Variants in PTPRC observed in about 807,000 individuals in gnomAD.
PTPRC encodes protein tyrosine phosphatase receptor type C, also known as receptor-type tyrosine-protein phosphatase C.
PTPRC carries 44 observed loss-of-function variants against 155.9 expected under a neutral mutation model. The observed-to-expected ratio is 0.28, with a 90% CI of 0.22 to 0.36. The LOEUF is 0.36. Among genes scored for constraint, PTPRC ranks in the 10% least tolerant of loss-of-function variants. The pLI, the probability that PTPRC is intolerant of heterozygous loss-of-function variation, is 1.00. For missense variants in PTPRC, 1,401 were observed against 1,564.6 expected (o/e 0.90, Z 1.76); for synonymous variants, 525 against 533.1 (o/e 0.98, Z 0.21).
At chr1:198,663,993 C>CT (rs995656071) in intron 2 of PTPRC, among the ~76,000 whole-genome samples, 86 of 151,688 alleles carry the variant, frequency 5.7e-4, no homozygotes, top group Non-Finnish European at 6.9e-4. Flanking sequence ...CCAAACTATA[C>CT]TTTTTTTTAA....
intron 2 of PTPRC, among the ~76,000 whole-genome samples, chr1:198,639,694 A>T (rs1462059125): frequency 4.6e-5 from 7 of 152,096 alleles, no homozygotes; most frequent in Non-Finnish European, 1.0e-4. Flanking sequence ...TTTTAATGAT[A>T]AAATAAGTGA....
At chr1:198,651,374 C>A (rs1273319626) in intron 2 of PTPRC, among the ~76,000 whole-genome samples, 1 of 150,524 alleles carries the variant, frequency 6.6e-6, no homozygotes, top group Admixed American at 6.7e-5. Context: ...CCTTCCATTT[C>A]TTTGAGAAAT....
chr1:198,690,328 A>T (rs1665859957), intron 2 of PTPRC, among the ~76,000 whole-genome samples: 1 of 152,120 alleles, frequency 6.6e-6, no homozygotes, highest in South Asian at 2.1e-4. Context: ...GTAATTTACA[A>T]GGAAATAAGA....
chr1:198,651,284 G>A (rs1663231144), intron 2 of PTPRC, among the ~76,000 whole-genome samples: 1 of 103,184 alleles, frequency 9.7e-6, no homozygotes, highest in Non-Finnish European at 2.0e-5. Context: ...TACTTGAACA[G>A]ATTGGGATTG....
At position 198,722,446 on chromosome 1, in the gene PTPRC, G is replaced by C; in HGVS notation, c.1690G>C (p.Glu564Gln). 6.8e-7 allele frequency: 1 copy of C among 1,474,176 alleles called. No individual in the cohort carries two copies. The highest frequency in any genetic ancestry group is 9.0e-7 in the Non-Finnish European group (1 of 1,105,756). 91.3% of individuals were successfully genotyped at this position (1,474,176 alleles called of 1,614,324 possible). A position where few individuals can be genotyped will look rare whatever the true frequency, so the allele number is the denominator to read the frequency against. ...TTTTCACAATGGAGACTATCCTGGA[G>C]AACCCTTTATTTTACATCATTCAAC... is the stretch of plus-strand genomic sequence containing the variant. ...AYFHNGDYPG[E>Q]PFILHHSTSY... The change falls in exon 15 of 33, where the codon GAA becomes CAA. Residue 564 changes from glutamate (E) to glutamine (Q), a missense_variant. Physicochemically the swap from Glu to Gln is conservative, Grantham distance 29. This residue lies in a region of PTPRC where 867 missense variants were observed against 970.4 expected (regional missense o/e 0.89). Coordinates refer to ENST00000442510, the MANE Select transcript of PTPRC (RefSeq NM_002838.5).
At chr1:198,643,111 G>A (rs1288687260) in intron 2 of PTPRC, among the ~76,000 whole-genome samples, 1 of 151,534 alleles carries the variant, frequency 6.6e-6, no homozygotes, top group Non-Finnish European at 1.5e-5. Context: ...TGTCACTTTT[G>A]CCACAAAATA....
chr1:198,698,566 T>C (rs1309445694), intron 4 of PTPRC, among the ~76,000 whole-genome samples: 1 of 152,106 alleles, frequency 6.6e-6, no homozygotes, highest in Admixed American at 6.5e-5. Flanking sequence ...TTCAAAATTG[T>C]TCATTTTTGA....
Position 198,757,026 on chromosome 1 carries a change from T to G in PTPRC, c.*845T>G, listed in dbSNP as rs577214428. On this transcript the variant is annotated 3_prime_UTR_variant, in exon 33 of 33. Transcript: ENST00000442510. ...TAAATAAATGCAATATGTATTAATATTCATTGTATAAAAATAGAAGAATAC... is the reference window on the plus strand; with the variant it reads ...TAAATAAATGCAATATGTATTAATAGTCATTGTATAAAAATAGAAGAATAC... 2.0e-5 allele frequency: 3 copies of G among 152,056 alleles called. No individual in the cohort carries two copies. The highest frequency in any genetic ancestry group is 3.9e-4 in the East Asian group (2 of 5,170). 9.4% of individuals were successfully genotyped at this position (152,056 alleles called of 1,614,324 possible). A position where few individuals can be genotyped will look rare whatever the true frequency, so the allele number is the denominator to read the frequency against.
intron 10 of PTPRC, among the ~76,000 whole-genome samples, chr1:198,709,249 G>T (rs1431760755): frequency 6.6e-6 from 1 of 152,010 alleles, no homozygotes; most frequent in Non-Finnish European, 1.5e-5. Flanking sequence ...AATTTTACAC[G>T]TGACCTAAAG....
At chr1:198,696,588 T>C in intron 3 of PTPRC, 124 bp from the exon 4 acceptor site, 1 of 809,220 alleles carries the variant, frequency 1.2e-6, no homozygotes, top group Non-Finnish European at 2.2e-6. Flanking sequence ...TGCATATGTA[T>C]GTGTAGATAT....
intron 2 of PTPRC, among the ~76,000 whole-genome samples, chr1:198,680,796 C>T (rs1665277471): frequency 6.6e-6 from 1 of 151,938 alleles, no homozygotes; most frequent in South Asian, 2.1e-4. Context: ...GACTGTGTAC[C>T]GAAATTCAGG....
intron 13 of PTPRC, 48 bp downstream of exon 13, chr1:198,716,888 G>C (rs1415959829): frequency 5.1e-6 from 8 of 1,565,336 alleles, no homozygotes; most frequent in Non-Finnish European, 7.0e-6. Flanking sequence ...TAAAAAGCAA[G>C]GTATGAACTT....
At chr1:198,724,314 G>C (rs975258554) in intron 15 of PTPRC, among the ~76,000 whole-genome samples, 1 of 152,080 alleles carries the variant, frequency 6.6e-6, no homozygotes, top group African/African-American at 2.4e-5. Context: ...GGGTTTCCCC[G>C]GCATAATATT....
chr1:198,745,767 G>A (rs544771314), intron 26 of PTPRC, among the ~76,000 whole-genome samples: 22 of 151,782 alleles, frequency 1.4e-4, no homozygotes, highest in East Asian at 1.2e-3. Context: ...TGAGGCAAAC[G>A]AGTTGAGGGT....
At position 198,642,703 on chromosome 1, in the gene PTPRC, T is replaced by C. The variant is rs527755911; in HGVS notation, c.73+3362T>C. Among the ~76,000 whole-genome samples, 3 of 152,072 alleles carry C rather than the reference T, an allele frequency of 2.0e-5. No individual in the cohort carries two copies. The East Asian group carries it at 5.8e-4, about 29-fold the overall frequency. On this transcript the variant is annotated intron_variant, in intron 2 of 32. Coordinates refer to ENST00000442510, the MANE Select transcript of PTPRC (RefSeq NM_002838.5). Reference sequence around the variant, plus strand: ...TTCTCACCTGTAAAATTGTAATAGTTTTTTTAATCAGTCTGAAGTCTCATC... The same window carrying C: ...TTCTCACCTGTAAAATTGTAATAGTCTTTTTAATCAGTCTGAAGTCTCATC...
At chr1:198,689,726 A>G (rs1430741798) in intron 2 of PTPRC, among the ~76,000 whole-genome samples, 1 of 152,148 alleles carries the variant, frequency 6.6e-6, no homozygotes, top group African/African-American at 2.4e-5. Flanking sequence ...TCCAGCAATT[A>G]CTTATCAATC....
intron 2 of PTPRC, chr1:198,679,920 C>T: frequency 1.6e-6 from 1 of 609,652 alleles, no homozygotes; most frequent in Non-Finnish European, 2.9e-6. Flanking sequence ...AGGTGGGCGT[C>T]AGCACTTTGC....
At chr1:198,686,133 G>T (rs1665611769) in intron 2 of PTPRC, among the ~76,000 whole-genome samples, 1 of 151,994 alleles carries the variant, frequency 6.6e-6, no homozygotes, top group African/African-American at 2.4e-5. Context: ...AGTTGTAAAA[G>T]AAACATATTG....
intron 31 of PTPRC, 49 bp from the exon 32 acceptor site, chr1:198,754,220 C>T: frequency 6.4e-7 from 1 of 1,551,450 alleles, no homozygotes; most frequent in Non-Finnish European, 8.9e-7. Context: ...TAATATCACC[C>T]TTTTTGGTGA....
Sources: allele counts gnomAD v4.1 joint callset (sites outside exome capture counted in the v4.1 genomes callset), GRCh38; gene constraint gnomAD v4.1.1; regional missense constraint gnomAD v4.1.1; transcripts MANE v1.5; gene names NCBI Gene and HGNC (gene_info 2026-07-23, HGNC 2026-07-21).